Variants in FAM120B observed in about 807,000 individuals in gnomAD.
FAM120B encodes the protein family with sequence similarity 120 member B.
A neutral mutation model predicts 96.3 loss-of-function variants in FAM120B; 83 were observed. The observed-to-expected ratio is 0.86, with a 90% CI of 0.72 to 1.03. FAM120B has a LOEUF of 1.03. FAM120B is among the 50% of genes least tolerant of loss of function. The pLI is 0.00. For synonymous variants in FAM120B, 407 were observed against 402.7 expected (o/e 1.01, Z -0.13); for missense variants, 1,027 against 1,121.2 (o/e 0.92, Z 1.20).
chr6:170,372,693 G>GGAGGT lies in FAM120B; in HGVS notation c.2283+14376_2283+14380dup, dbSNP rs1789271210. Among the ~76,000 whole-genome samples the GGAGGT allele has an allele frequency of 1.3e-5, 2 of 152,166 alleles. 1 individual carries two copies. The highest frequency in any genetic ancestry group is 4.1e-4 in the South Asian group (2 of 4,832). On this transcript the variant is annotated intron_variant, in intron 6 of 10. Coordinates refer to ENST00000476287, the MANE Select transcript of FAM120B (RefSeq NM_032448.3). Reference sequence around the variant, plus strand: ...CTCATGGAGCATCTTTACCAACATGGGAGGTTTTGGCTCCTCCTGCCCCTG... The same window carrying GGAGGT: ...CTCATGGAGCATCTTTACCAACATGGGAGGTGAGGTTTTGGCTCCTCCTGCCCCTG...
intron 6 of FAM120B, among the ~76,000 whole-genome samples, chr6:170,373,664 T>G (rs1411712096): frequency 6.6e-6 from 1 of 152,158 alleles, no homozygotes. Flanking sequence ...CTAACAGAAA[T>G]TTGCCGAGAA....
At chr6:170,343,402 G>A (rs750766187) in intron 4 of FAM120B, among the ~76,000 whole-genome samples, 4 of 152,068 alleles carry the variant, frequency 2.6e-5, no homozygotes, top group Non-Finnish European at 5.9e-5. Context: ...TCTGGAGAGA[G>A]CTATGGAGGT....
intron 9 of FAM120B, among the ~76,000 whole-genome samples, chr6:170,399,391 CTT>C (rs1778410224): frequency 6.7e-6 from 1 of 149,352 alleles, no homozygotes; most frequent in African/African-American, 2.5e-5. Context: ...TGTCATAACT[CTT>C]AGGAGTGAGT....
intron 6 of FAM120B, among the ~76,000 whole-genome samples, chr6:170,365,760 C>T (rs1280248505): frequency 6.6e-6 from 1 of 151,406 alleles, no homozygotes; most frequent in Non-Finnish European, 1.5e-5. Flanking sequence ...GGCTCGGCCC[C>T]TGACACCCCG....
In FAM120B at chr6:170,361,231, T is replaced by C. The variant is rs1425557866; in HGVS notation, c.2283+2913T>C. Among the ~76,000 whole-genome samples the C allele has an allele frequency of 1.3e-3, 159 of 125,918 alleles. 3 individuals are homozygous for C. Among genetic ancestry groups the C allele is most frequent in the African/African-American group, 4.4e-3 (149 of 34,022 alleles). 82.6% of individuals were successfully genotyped at this position (125,918 alleles called of 152,430 possible). A position where few individuals can be genotyped will look rare whatever the true frequency, so the allele number is the denominator to read the frequency against. On this transcript the variant is annotated intron_variant, in intron 6 of 10. Coordinates refer to ENST00000476287, the MANE Select transcript of FAM120B (RefSeq NM_032448.3). ...ATATATATATATATATATATATATA[T>C]ATATACACGTATATATATATATACG...
At chr6:170,305,650 A>C (rs980432585), upstream of FAM120B, among the ~76,000 whole-genome samples, 1 of 152,226 alleles carries the variant, frequency 6.6e-6, no homozygotes, top group African/African-American at 2.4e-5. Flanking sequence ...ATACATCCTA[A>C]ATAAGTTGAT....
At chr6:170,315,640 CCTT>C (rs140978599) in intron 1 of FAM120B, among the ~76,000 whole-genome samples, 2,907 of 152,164 alleles carry the variant, frequency 0.019, 98 homozygotes, top group African/African-American at 0.067. Context: ...TATGAGCAAG[CCTT>C]CTCTAAATGT....
At chr6:170,356,828 CATCTG>C (rs1347210281) in intron 5 of FAM120B, among the ~76,000 whole-genome samples, 1 of 152,136 alleles carries the variant, frequency 6.6e-6, no homozygotes, top group Non-Finnish European at 1.5e-5. Context: ...ATTAGAGACT[CATCTG>C]AGAATATCCT....
chr6:170,314,880 A>G (rs572586436), intron 1 of FAM120B, among the ~76,000 whole-genome samples: 18 of 152,352 alleles, frequency 1.2e-4, no homozygotes, highest in African/African-American at 4.1e-4. Context: ...AGTAGTATAG[A>G]AGAGCACATT....
intron 5 of FAM120B, among the ~76,000 whole-genome samples, chr6:170,355,423 G>T (rs1787844099): frequency 6.6e-6 from 1 of 152,180 alleles, no homozygotes; most frequent in Non-Finnish European, 1.5e-5. Flanking sequence ...GCAGGGACAT[G>T]GATGGAGTTG....
intron 8 of FAM120B, among the ~76,000 whole-genome samples, chr6:170,395,052 C>T (rs4710806): frequency 0.95 from 144,098 of 152,348 alleles, 68,226 homozygotes; most frequent in East Asian, 1. Flanking sequence ...AATTTTAAAG[C>T]ACGAAAAGTG....
At chr6:170,374,374 G>A (rs971993960) in intron 6 of FAM120B, among the ~76,000 whole-genome samples, 7 of 152,166 alleles carry the variant, frequency 4.6e-5, no homozygotes, top group African/African-American at 1.7e-4. Flanking sequence ...GACAGAAGTC[G>A]GTGTATTTAG....
At chr6:170,389,855 C>G (rs1184466896) in intron 7 of FAM120B, among the ~76,000 whole-genome samples, 1 of 152,172 alleles carries the variant, frequency 6.6e-6, no homozygotes, top group Non-Finnish European at 1.5e-5. Context: ...GCCACCGCGA[C>G]CAGCCCCTCT....
intron 6 of FAM120B, among the ~76,000 whole-genome samples, chr6:170,382,655 CA>C (rs1789976578): frequency 6.6e-6 from 1 of 151,996 alleles, no homozygotes; most frequent in Non-Finnish European, 1.5e-5. Context: ...AAAGCAAACC[CA>C]AAGAAGTGGA....
rs139514922 is a variant in FAM120B, at chr6:170,372,953, A to G, written c.2283+14635A>G. ...TTTTCCCTCTGTTTAGATTTCCGCC[A>G]ACTTGTAGGACAAGCACCCTGATGA... is the stretch of plus-strand genomic sequence containing the variant. On this transcript the variant is annotated intron_variant, in intron 6 of 10. Transcript: ENST00000476287. Among the ~76,000 whole-genome samples, 450 of 152,368 alleles carry G rather than the reference A, an allele frequency of 3.0e-3. 1 individual carries two copies. The highest frequency in any genetic ancestry group is 0.01 in the African/African-American group (433 of 41,596).
At chr6:170,326,638 C>T (rs1380415599) in intron 3 of FAM120B, among the ~76,000 whole-genome samples, 1 of 152,226 alleles carries the variant, frequency 6.6e-6, no homozygotes, top group African/African-American at 2.4e-5. Context: ...TGTTGTAGTG[C>T]AAGAGCAGCC....
intron 8 of FAM120B, among the ~76,000 whole-genome samples, chr6:170,393,184 A>C (rs1265317738): frequency 6.7e-6 from 1 of 150,370 alleles, no homozygotes; most frequent in African/African-American, 2.4e-5. Flanking sequence ...CTGCATACAC[A>C]GTCCTGCAGG....
chr6:170,403,474 C>A (rs1376462361), intron 9 of FAM120B, among the ~76,000 whole-genome samples: 2 of 152,134 alleles, frequency 1.3e-5, no homozygotes, highest in African/African-American at 4.8e-5. Flanking sequence ...ACTAAAAATG[C>A]CTCTTCATGA....
chr6:170,377,308 C>T (rs34209568), intron 6 of FAM120B, among the ~76,000 whole-genome samples: 99 of 105,980 alleles, frequency 9.3e-4, no homozygotes, highest in African/African-American at 2.2e-3. Flanking sequence ...CCCAGATGCC[C>T]GGGAGAACAC....
Sources: allele counts gnomAD v4.1 joint callset (sites outside exome capture counted in the v4.1 genomes callset), GRCh38; gene constraint gnomAD v4.1.1; transcripts MANE v1.5; gene names NCBI Gene and HGNC (gene_info 2026-07-23, HGNC 2026-07-21).